The following EPB41L4A variants were observed in gnomAD, a reference collection of about 807,000 sequenced individuals.
EPB41L4A encodes band 4.1-like protein 4A.
A neutral mutation model predicts 108.6 loss-of-function variants in EPB41L4A; 100 were observed. That is an observed-to-expected ratio of 0.92 (90% CI 0.78 to 1.09). EPB41L4A has a LOEUF of 1.09. Ranked by LOEUF, EPB41L4A falls within the 50% of genes least tolerant of loss-of-function variation. EPB41L4A has a pLI of 0.00. For missense variants in EPB41L4A, 1,030 were observed against 842.7 expected, an observed-to-expected ratio of 1.22 and a Z score of -2.75; for synonymous variants, 319 against 289.0, an observed-to-expected ratio of 1.10 and a Z score of -1.05.
At chr5:112,238,888 C>A (rs1413425065) in intron 11 of EPB41L4A, among the ~76,000 whole-genome samples, 1 of 152,192 alleles carries the variant, frequency 6.6e-6, no homozygotes, top group Non-Finnish European at 1.5e-5. Context: ...AGAACCCACT[C>A]TCATTTTTAA....
chr5:112,260,736 T>C (rs1751436812), intron 7 of EPB41L4A, among the ~76,000 whole-genome samples: 1 of 152,210 alleles, frequency 6.6e-6, no homozygotes, highest in Non-Finnish European at 1.5e-5. Context: ...GAAAAAGTCA[T>C]AGAGTAGATA....
chr5:112,210,958 TGAA>T (rs1762710190), intron 12 of EPB41L4A, among the ~76,000 whole-genome samples: 1 of 152,078 alleles, frequency 6.6e-6, no homozygotes, highest in Non-Finnish European at 1.5e-5. Flanking sequence ...GAGAATGTCA[TGAA>T]GATGAGTTTG....
downstream of EPB41L4A, among the ~76,000 whole-genome samples, chr5:112,141,859 C>T (rs1196759038): frequency 1.3e-5 from 2 of 152,136 alleles, no homozygotes; most frequent in African/African-American, 4.8e-5. Flanking sequence ...GCTTTCTTCC[C>T]AGCAATTTGT....
chr5:112,312,045 A>C (rs569694920), intron 1 of EPB41L4A, among the ~76,000 whole-genome samples: 1 of 152,378 alleles, frequency 6.6e-6, no homozygotes, highest in East Asian at 1.9e-4. Context: ...TATGTAAATC[A>C]AATCTGTCTT....
At chr5:112,321,028 G>C (rs1755735598) in intron 1 of EPB41L4A, among the ~76,000 whole-genome samples, 1 of 152,200 alleles carries the variant, frequency 6.6e-6, no homozygotes, top group Non-Finnish European at 1.5e-5. Flanking sequence ...TGAGATTACA[G>C]GCCATCGAGA....
At chr5:112,309,305 T>C (rs1754895260) in intron 1 of EPB41L4A, among the ~76,000 whole-genome samples, 1 of 152,356 alleles carries the variant, frequency 6.6e-6, no homozygotes, top group Middle Eastern at 3.4e-3. Flanking sequence ...TTAATTTGTT[T>C]GATATCCATC....
intron 1 of EPB41L4A, among the ~76,000 whole-genome samples, chr5:112,367,178 C>G (rs373362): frequency 0.063 from 9,561 of 152,258 alleles, 322 homozygotes; most frequent in African/African-American, 0.075. Flanking sequence ...CTCAGCTCTG[C>G]CCCTAGAGGA....
At chr5:112,179,356 T>C (rs1379032054) in intron 18 of EPB41L4A, among the ~76,000 whole-genome samples, 1 of 152,068 alleles carries the variant, frequency 6.6e-6, no homozygotes, top group African/African-American at 2.4e-5. Flanking sequence ...ACCAATATAA[T>C]ATTTTTACCA....
chr5:112,278,007 T>C (rs1752719004), intron 3 of EPB41L4A, among the ~76,000 whole-genome samples: 2 of 152,326 alleles, frequency 1.3e-5, no homozygotes, highest in East Asian at 1.9e-4. Context: ...TAGACTAATT[T>C]TGAGGTCTTT....
At chr5:112,241,584 G>A (rs1376982235) in intron 9 of EPB41L4A, among the ~76,000 whole-genome samples, 4 of 152,094 alleles carry the variant, frequency 2.6e-5, no homozygotes, top group Non-Finnish European at 5.9e-5. Flanking sequence ...AAGCAATAGA[G>A]CATAACAACT....
At chr5:112,142,541 A>C (rs377004147) in exon 14 of EPB41L4A, 2 of 152,338 alleles carry the variant, frequency 1.3e-5, no homozygotes, top group South Asian at 2.1e-4. Flanking sequence ...CCTTTATTAC[A>C]ACAAAGAACT....
At chr5:112,165,342 A>C (rs546980844) in intron 22 of EPB41L4A, among the ~76,000 whole-genome samples, 1 of 152,360 alleles carries the variant, frequency 6.6e-6, no homozygotes, top group African/African-American at 2.4e-5. Context: ...ATTTACATGC[A>C]TAACGATTTT....
At position 112,266,269 on chromosome 5, in the gene EPB41L4A, T is replaced by TGACGG. The variant is rs1751848726; in HGVS notation, c.392_396dup (p.Asn133ProfsTer47). ...TACGCTCCCAGCTGAGCAGCAGTGT[T>TGACGG]GACGGGACAGGGCAGACGGCCCTGA... On this transcript the variant is annotated frameshift_variant, in exon 5 of 23. Transcript: ENST00000261486. LOFTEE classifies it high-confidence loss of function. 6.2e-7 allele frequency: 1 copy of TGACGG among 1,611,166 alleles called. No homozygotes were observed. The highest frequency in any genetic ancestry group is 8.5e-7 in the Non-Finnish European group (1 of 1,179,030).
chr5:112,234,618 G>A lies in EPB41L4A; in HGVS notation c.1087+16C>T. The A allele has an allele frequency of 1.9e-6, 3 of 1,610,514 alleles. No individual in the cohort carries two copies. The highest frequency in any genetic ancestry group is 2.5e-6 in the Non-Finnish European group (3 of 1,177,722). On this transcript the variant is annotated intron_variant, in intron 12 of 22. Transcript: ENST00000261486. ...AAACAAGGTTACATAGATAACTCAG[G>A]GGAACCATGACTTACCAGCTGGCTG... is the stretch of plus-strand genomic sequence containing the variant.
At chr5:112,197,874 C>T (rs1762036162) in intron 15 of EPB41L4A, among the ~76,000 whole-genome samples, 1 of 152,096 alleles carries the variant, frequency 6.6e-6, no homozygotes, top group Admixed American at 6.5e-5. Context: ...ATGACAGATA[C>T]ACTTTTTTGG....
At chr5:112,214,513 C>T (rs1008376295) in intron 12 of EPB41L4A, among the ~76,000 whole-genome samples, 2 of 152,064 alleles carry the variant, frequency 1.3e-5, no homozygotes, top group African/African-American at 4.8e-5. Context: ...CCTGTAATCC[C>T]AGCACTTTGG....
At chr5:112,355,341 TA>T in intron 1 of EPB41L4A, among the ~76,000 whole-genome samples, 1 of 152,330 alleles carries the variant, frequency 6.6e-6, no homozygotes, top group East Asian at 1.9e-4. Context: ...TTCAGATTTT[TA>T]CCAAAATAAT....
intron 1 of EPB41L4A, among the ~76,000 whole-genome samples, chr5:112,408,122 GA>G (rs1762183745): frequency 6.6e-6 from 1 of 152,088 alleles, no homozygotes; most frequent in Non-Finnish European, 1.5e-5. Context: ...ATTTTTAATT[GA>G]TTTTTTTTAT....
intron 3 of EPB41L4A, among the ~76,000 whole-genome samples, chr5:112,280,057 C>T (rs1181330301): frequency 6.6e-6 from 1 of 152,138 alleles, no homozygotes; most frequent in Non-Finnish European, 1.5e-5. Context: ...AGGAAAAATT[C>T]CATACTAAGA....
Sources: gnomAD v4.1 joint callset for allele counts (sites outside exome capture counted in the v4.1 genomes callset) on GRCh38, gnomAD v4.1.1 for gene constraint, MANE v1.5 for transcripts, NCBI Gene and HGNC (gene_info 2026-07-23, HGNC 2026-07-21) for gene names.